The following MEIS2 variants were observed in gnomAD, a reference collection of about 807,000 sequenced individuals.
The protein encoded by MEIS2 is Meis homeobox 2, also known as homeobox protein Meis2.
MEIS2 carries 9 observed loss-of-function variants against 58.6 expected under a neutral mutation model. The ratio of observed to expected loss-of-function variants is 0.15; its 90% confidence interval spans 0.09 to 0.27. MEIS2 has a LOEUF of 0.27. MEIS2 is among the 10% of genes least tolerant of loss of function. The pLI is 1.00. For missense variants in MEIS2, 427 were observed against 635.0 expected (o/e 0.67, Z 3.52); for synonymous variants, 221 against 228.4 (o/e 0.97, Z 0.29).
chr15:36,950,086 G>C (rs1471512627), intron 9 of MEIS2, among the ~76,000 whole-genome samples: 1 of 151,784 alleles, frequency 6.6e-6, no homozygotes, highest in African/African-American at 2.4e-5. Context: ...GAGTGATAGA[G>C]AAGAAGAGAA....
In MEIS2 at chr15:37,098,385, A is replaced by G. The variant is rs1022987432; in HGVS notation, c.13-186T>C. The G allele has an allele frequency of 4.8e-4, 345 of 717,794 alleles. 5 individuals are homozygous for G. The African/African-American group carries it at 0.011, about 23-fold the overall frequency. The allele number at this position is 717,794 out of a possible 1,614,324, so 44.5% of individuals were successfully genotyped here. A position where few individuals can be genotyped will look rare whatever the true frequency, so the allele number is the denominator to read the frequency against. On this transcript the variant is annotated intron_variant, in intron 1 of 11. Coordinates refer to ENST00000561208, the MANE Select transcript of MEIS2 (RefSeq NM_170675.5). ...GAGGAAAAGGAGGAGAGGGGGAGAG[A>G]GAGAGAGAGAGAGAGAGAGAGAGAG...
At chr15:37,045,849 G>C (rs1471392113) in intron 7 of MEIS2, among the ~76,000 whole-genome samples, 1 of 152,124 alleles carries the variant, frequency 6.6e-6, no homozygotes, top group East Asian at 1.9e-4. Context: ...AACTGTGAGG[G>C]TTTTCCGACA....
rs549665022 is a variant in MEIS2, at chr15:36,924,356, C to A, written c.977+25968G>T. 2.4e-4 allele frequency among the ~76,000 whole-genome samples: 37 copies of A among 152,310 alleles called. 1 individual carries two copies. The South Asian group carries it at 7.3e-3, about 30-fold the overall frequency. ...CCACCACTGTGTGCACGGCTGAGAT[C>A]GCGGTCATGAACATTTCTTGCAGAG... On this transcript the variant is annotated intron_variant, in intron 9 of 11. Coordinates refer to ENST00000561208, the MANE Select transcript of MEIS2 (RefSeq NM_170675.5).
intron 8 of MEIS2, among the ~76,000 whole-genome samples, chr15:37,009,041 G>A (rs760058128): frequency 5.3e-5 from 8 of 152,208 alleles, no homozygotes; most frequent in Non-Finnish European, 1.2e-4. Context: ...TGTAATCCCA[G>A]CACTTTGGGA....
At chr15:37,072,297 C>T (rs1890811421) in intron 7 of MEIS2, among the ~76,000 whole-genome samples, 1 of 152,038 alleles carries the variant, frequency 6.6e-6, no homozygotes, top group East Asian at 1.9e-4. Context: ...AAATCAGATT[C>T]CCAGCATTTC....
rs1414082204 is a variant in MEIS2 at position 37,098,080 on chromosome 15, C to T, written c.132G>A (p.Pro44=). 6.2e-6 allele frequency: 10 copies of T among 1,613,642 alleles called. No individual in the cohort carries two copies. Among genetic ancestry groups the T allele is most frequent in the African/African-American group, 4.0e-5 (3 of 74,882 alleles). The change falls in exon 2 of 12, where the codon CCG becomes CCA. Residue 44 remains proline, a synonymous_variant. Coordinates refer to ENST00000561208, the MANE Select transcript of MEIS2 (RefSeq NM_170675.5). ...PPVHHLNHGP[P]LHATQHYGAH... is the part of the protein sequence containing the mutation. ...CGCCGTAGTGCTGTGTGGCGTGGAG[C>T]GGCGGCCCGTGGTTCAGGTGGTGAA...
intron 9 of MEIS2, among the ~76,000 whole-genome samples, chr15:36,911,082 G>T (rs2141266097): frequency 6.7e-6 from 1 of 149,792 alleles, no homozygotes. Flanking sequence ...CTATCTCAAA[G>T]GTAATTTGAT....
At chr15:37,000,558 T>C (rs912115817) in intron 8 of MEIS2, among the ~76,000 whole-genome samples, 2 of 152,068 alleles carry the variant, frequency 1.3e-5, no homozygotes, top group African/African-American at 4.8e-5. Flanking sequence ...AAAATGAGCT[T>C]CCCCTTTTTT....
chr15:37,012,470 G>C (rs1225437314), intron 8 of MEIS2, among the ~76,000 whole-genome samples: 1 of 152,166 alleles, frequency 6.6e-6, no homozygotes, highest in Non-Finnish European at 1.5e-5. Context: ...TCATAGGCCT[G>C]TTACAAAGTA....
intron 8 of MEIS2, among the ~76,000 whole-genome samples, chr15:37,012,807 T>C (rs1229422703): frequency 6.6e-6 from 1 of 152,232 alleles, no homozygotes; most frequent in Non-Finnish European, 1.5e-5. Context: ...AGTCATTGAC[T>C]ATATTTTTCA....
At chr15:37,031,813 C>G (rs1344700358) in intron 8 of MEIS2, among the ~76,000 whole-genome samples, 1 of 106,524 alleles carries the variant, frequency 9.4e-6, no homozygotes, top group Non-Finnish European at 2.0e-5. Flanking sequence ...TATTACATCA[C>G]TTTGTGTGTG....
chr15:36,893,986 G>C (rs1465487094), intron 11 of MEIS2, among the ~76,000 whole-genome samples: 2 of 152,144 alleles, frequency 1.3e-5, no homozygotes, highest in African/African-American at 4.8e-5. Flanking sequence ...ATTTTTTTCA[G>C]ATGTCAAAAA....
intron 7 of MEIS2, among the ~76,000 whole-genome samples, chr15:37,069,271 T>A (rs1890361784): frequency 6.6e-6 from 1 of 152,162 alleles, no homozygotes; most frequent in South Asian, 2.1e-4. Context: ...CTCAGTTTTT[T>A]AAGGTGATTG....
At chr15:37,021,045 A>C (rs2061509143) in intron 8 of MEIS2, among the ~76,000 whole-genome samples, 1 of 152,134 alleles carries the variant, frequency 6.6e-6, no homozygotes, top group African/African-American at 2.4e-5. Flanking sequence ...ACCCAACAAT[A>C]ACCCTGCTGC....
chr15:37,071,034 T>C (rs568173403), intron 7 of MEIS2, among the ~76,000 whole-genome samples: 1 of 152,076 alleles, frequency 6.6e-6, no homozygotes, highest in Non-Finnish European at 1.5e-5. Context: ...ATTATGTCAC[T>C]ACCCCCATTC....
chr15:37,098,379 GGAGAGAGAGA>G (rs534692479), intron 1 of MEIS2, 180 bp from the exon 2 acceptor site: 4,712 of 307,526 alleles, frequency 0.015, 36 homozygotes, highest in African/African-American at 0.032. Flanking sequence ...GAGGAGAGGG[GGAGAGAGAGA>G]GAGAGAGAGA....
At chr15:36,986,276 T>C (rs2060089955) in intron 8 of MEIS2, among the ~76,000 whole-genome samples, 1 of 152,236 alleles carries the variant, frequency 6.6e-6, no homozygotes, top group African/African-American at 2.4e-5. Flanking sequence ...AGCCAAAGTC[T>C]TTCAGCTCCG....
At chr15:37,020,363 T>C (rs1405856099) in intron 8 of MEIS2, among the ~76,000 whole-genome samples, 1 of 151,920 alleles carries the variant, frequency 6.6e-6, no homozygotes, top group Non-Finnish European at 1.5e-5. Context: ...ATCCTGAAAA[T>C]ACACAAGCTG....
chr15:36,986,185 T>C (rs1171239590), intron 8 of MEIS2, among the ~76,000 whole-genome samples: 1 of 152,196 alleles, frequency 6.6e-6, no homozygotes, highest in Non-Finnish European at 1.5e-5. Context: ...ACTTTTGTAA[T>C]CTTAGGTTTC....
Sources: allele counts gnomAD v4.1 joint callset (sites outside exome capture counted in the v4.1 genomes callset), GRCh38; gene constraint gnomAD v4.1.1; transcripts MANE v1.5; gene names NCBI Gene and HGNC (gene_info 2026-07-23, HGNC 2026-07-21).